Variants in KAT6A observed in about 807,000 individuals in gnomAD.
The protein encoded by KAT6A is histone acetyltransferase KAT6A.
Under a neutral mutation model 198.4 loss-of-function variants are expected in KAT6A, and 9 were observed. That is an observed-to-expected ratio of 0.05 (90% CI 0.03 to 0.08). The LOEUF (loss-of-function observed/expected upper bound fraction) is 0.08, where lower values mean the gene tolerates loss of function less well. Ranked by LOEUF, KAT6A falls within the 10% of genes least tolerant of loss-of-function variation. The probability of loss-of-function intolerance (pLI) is 1.00; values close to 1 mark genes in which losing one functional copy is unlikely to be tolerated. For missense variants in KAT6A, 2,077 were observed against 2,509.9 expected, an observed-to-expected ratio of 0.83 and a Z score of 3.69; for synonymous variants, 890 against 883.0, an observed-to-expected ratio of 1.01 and a Z score of -0.14.
In KAT6A at chr8:41,994,749, T is replaced by C. The variant is rs115236471; in HGVS notation, c.601-7186A>G. Among the ~76,000 whole-genome samples the C allele has an allele frequency of 2.3e-3, 351 of 152,236 alleles. 1 individual carries two copies. Among genetic ancestry groups the C allele is most frequent in the African/African-American group, 8.2e-3 (340 of 41,564 alleles). On this transcript the variant is annotated intron_variant, in intron 2 of 16. Coordinates refer to ENST00000265713, the MANE Select transcript of KAT6A (RefSeq NM_006766.5). ...GATTTTCACCTGTTTTTTAGGACCA[T>C]ATTCTTACTACTAAAAGCAATGCCT...
chr8:41,993,123 T>C (rs1825023006), intron 2 of KAT6A, among the ~76,000 whole-genome samples: 1 of 152,210 alleles, frequency 6.6e-6, no homozygotes, highest in South Asian at 2.1e-4. Context: ...ATGATCAGTT[T>C]CACATTACTA....
intron 8 of KAT6A, among the ~76,000 whole-genome samples, chr8:41,973,945 T>C (rs958549335): frequency 6.6e-6 from 1 of 152,202 alleles, no homozygotes. Context: ...CTTTTCATAT[T>C]AATGACATTA....
intron 2 of KAT6A, among the ~76,000 whole-genome samples, chr8:41,995,800 C>T (rs892432450): frequency 1.3e-5 from 2 of 151,354 alleles, no homozygotes; most frequent in Non-Finnish European, 2.9e-5. Flanking sequence ...CTCAGCCTCT[C>T]GAGTAGCTGG....
chr8:42,050,953 C>T (rs1324282075), intron 1 of KAT6A, among the ~76,000 whole-genome samples: 1 of 152,304 alleles, frequency 6.6e-6, no homozygotes, highest in East Asian at 1.9e-4. Context: ...CTTCCCGTCC[C>T]CATTCCCCAC....
intron 8 of KAT6A, among the ~76,000 whole-genome samples, chr8:41,965,688 T>C (rs1823439921): frequency 1.3e-5 from 2 of 152,174 alleles, no homozygotes; most frequent in South Asian, 2.1e-4. Context: ...GGAGTTTAGT[T>C]TGAGATAAGA....
chr8:42,003,887 G>A (rs556748897), intron 2 of KAT6A, among the ~76,000 whole-genome samples: 14 of 152,314 alleles, frequency 9.2e-5, no homozygotes, highest in African/African-American at 3.4e-4. Flanking sequence ...GTGACCATCT[G>A]CAAGACAAGG....
chr8:41,988,822 T>A (rs376283458), intron 2 of KAT6A, among the ~76,000 whole-genome samples: 1 of 152,192 alleles, frequency 6.6e-6, no homozygotes, highest in East Asian at 1.9e-4. Context: ...TTTAAATGTG[T>A]TTAGTTGGAG....
At chr8:42,025,416 T>C (rs993659064) in intron 2 of KAT6A, among the ~76,000 whole-genome samples, 1 of 117,788 alleles carries the variant, frequency 8.5e-6, no homozygotes, top group Non-Finnish European at 1.7e-5. Context: ...TTTCGCCATG[T>C]TGGGTAGGCT....
chr8:42,019,297 A>G (rs1401628113), intron 2 of KAT6A, among the ~76,000 whole-genome samples: 1 of 152,120 alleles, frequency 6.6e-6, no homozygotes, highest in Non-Finnish European at 1.5e-5. Context: ...TAAGATTCTT[A>G]TGTGCCAGGA....
At chr8:41,999,145 A>G (rs1825365732) in intron 2 of KAT6A, among the ~76,000 whole-genome samples, 1 of 152,194 alleles carries the variant, frequency 6.6e-6, no homozygotes, top group Non-Finnish European at 1.5e-5. Context: ...GAAATCAATC[A>G]TCTATTAAGA....
rs185134228 is a variant in KAT6A, at chr8:42,021,882, C to T, written c.600+26496G>A. Among the ~76,000 whole-genome samples the T allele has an allele frequency of 3.3e-5, 5 of 152,288 alleles. No individual in the cohort carries two copies. In the East Asian group the frequency reaches 7.7e-4, roughly 24 times the overall value. On this transcript the variant is annotated intron_variant, in intron 2 of 16. Transcript: ENST00000265713. ...GGCAGAGGCTGCAGTGAGCAGAGATCGTGCCACTGCACTCTAACCTGAACA... is the reference window on the plus strand; with the variant it reads ...GGCAGAGGCTGCAGTGAGCAGAGATTGTGCCACTGCACTCTAACCTGAACA...
chr8:41,966,531 T>G (rs1024250003), intron 8 of KAT6A, among the ~76,000 whole-genome samples: 13 of 152,246 alleles, frequency 8.5e-5, no homozygotes, highest in African/African-American at 2.9e-4. Flanking sequence ...TCCTCAAAGC[T>G]GAAGTTAATG....
intron 9 of KAT6A, among the ~76,000 whole-genome samples, chr8:41,952,945 T>C (rs1351943603): frequency 6.6e-6 from 1 of 152,056 alleles, no homozygotes; most frequent in African/African-American, 2.4e-5. Context: ...AAGAACCCTA[T>C]CCAATGGATG....
In KAT6A at chr8:42,048,455, T is replaced by C. The variant is rs1237996435; in HGVS notation, c.523A>G (p.Asn175Asp). ...PLYRLNTKAT[N>D]VDGKESCESL... is the part of the protein sequence containing the mutation. ...TCACAACTCTCTTTCCCATCCACGT[T>C]GGTTGCTTTAGTGTTGAGCCGATAA... The change falls in exon 2 of 17, where the codon AAC becomes GAC. Residue 175 changes from asparagine (N) to aspartate (D), a missense_variant. Coordinates refer to ENST00000265713, the MANE Select transcript of KAT6A (RefSeq NM_006766.5). 10 of 1,614,010 alleles carry C rather than the reference T, an allele frequency of 6.2e-6. No individual in the cohort carries two copies. The highest frequency in any genetic ancestry group is 1.3e-5 in the African/African-American group (1 of 74,920).
intron 8 of KAT6A, among the ~76,000 whole-genome samples, chr8:41,968,006 A>G (rs1823597318): frequency 6.6e-6 from 1 of 152,082 alleles, no homozygotes; most frequent in South Asian, 2.1e-4. Flanking sequence ...CGTTAGACCT[A>G]AAACCATAAA....
chr8:42,010,776 T>A (rs1825983791), intron 2 of KAT6A, among the ~76,000 whole-genome samples: 1 of 152,210 alleles, frequency 6.6e-6, no homozygotes, highest in African/African-American at 2.4e-5. Context: ...ATAAACTGTT[T>A]GTGCTCTACT....
At chr8:41,946,752 A>G in intron 11 of KAT6A, 68 bp from the exon 12 acceptor site, 2 of 950,306 alleles carry the variant, frequency 2.1e-6, no homozygotes, top group East Asian at 4.9e-5. Flanking sequence ...GTGAATTAAG[A>G]AACAAAGACT....
At chr8:42,051,020 A>T (rs778027367) in intron 1 of KAT6A, among the ~76,000 whole-genome samples, 3 of 152,124 alleles carry the variant, frequency 2.0e-5, no homozygotes, top group Non-Finnish European at 4.4e-5. Context: ...AAAAACTTGG[A>T]TCTGCACAGC....
intron 2 of KAT6A, among the ~76,000 whole-genome samples, chr8:42,038,255 A>G (rs1001613645): frequency 6.6e-6 from 1 of 152,212 alleles, no homozygotes; most frequent in African/African-American, 2.4e-5. Context: ...AGGTAGCTCA[A>G]CATGTTCCCC....
Sources: allele counts gnomAD v4.1 joint callset (sites outside exome capture counted in the v4.1 genomes callset), GRCh38; gene constraint gnomAD v4.1.1; transcripts MANE v1.5; gene names NCBI Gene and HGNC (gene_info 2026-07-23, HGNC 2026-07-21).